NHSL1: variants seen among roughly 807,000 people sequenced by gnomAD.
NHSL1 encodes NHS like 1.
Under a neutral mutation model 95.0 loss-of-function variants are expected in NHSL1, and 48 were observed. The ratio of observed to expected loss-of-function variants is 0.51; its 90% CI spans 0.40 to 0.64. The LOEUF is 0.64. NHSL1 is among the 30% of genes least tolerant of loss of function. The pLI, the probability that NHSL1 is intolerant of heterozygous loss-of-function variation, is 0.00. For missense variants in NHSL1, 1,971 were observed against 2,077.7 expected (o/e 0.95, Z 1.00); for synonymous variants, 783 against 833.9 (o/e 0.94, Z 1.05).
chr6:138,499,156 CA>C (rs1780531900), intron 1 of NHSL1, 76 bp downstream of exon 1: 8 of 613,280 alleles, frequency 1.3e-5, no homozygotes, highest in Non-Finnish European at 2.0e-5. Context: ...CACACACACA[CA>C]CAGACACACA....
At chr6:138,622,916 C>T (rs1232830932) in intron 1 of NHSL1, among the ~76,000 whole-genome samples, 3 of 152,022 alleles carry the variant, frequency 2.0e-5, no homozygotes, top group Admixed American at 6.6e-5. Flanking sequence ...AGTAATGGAG[C>T]GCAGGGCAGA....
At chr6:138,493,721 G>A (rs183596866) in intron 2 of NHSL1, among the ~76,000 whole-genome samples, 2 of 152,300 alleles carry the variant, frequency 1.3e-5, no homozygotes, top group East Asian at 3.9e-4. Context: ...GGTGGAGGAA[G>A]GTGAACTATA....
In NHSL1 at chr6:138,659,496, C is replaced by T. The variant is rs147440084; in HGVS notation, c.96+32980G>A. Among the ~76,000 whole-genome samples, 345 of 152,196 alleles carry T rather than the reference C, an allele frequency of 2.3e-3. 1 individual carries two copies. Among genetic ancestry groups the T allele is most frequent in the African/African-American group, 7.7e-3 (320 of 41,530 alleles). On this transcript the variant is annotated intron_variant, in intron 1 of 3. Coordinates refer to the NHSL1 transcript ENST00000491526. The stretch of plus-strand genomic sequence containing the variant: ...CCAAACCAAAGAATAGCCAAGAAAA[C>T]GGTGGGCACCTCCTGCCAAGTTAGC...
chr6:138,589,563 G>A (rs1784193292), intron 1 of NHSL1, among the ~76,000 whole-genome samples: 1 of 152,122 alleles, frequency 6.6e-6, no homozygotes, highest in Non-Finnish European at 1.5e-5. Context: ...CACACAGAGG[G>A]TTCAGTAGGG....
At chr6:138,660,294 G>C (rs1785210185) in intron 1 of NHSL1, among the ~76,000 whole-genome samples, 1 of 152,082 alleles carries the variant, frequency 6.6e-6, no homozygotes, top group Admixed American at 6.5e-5. Flanking sequence ...AACATCTAAG[G>C]TGTGGGATCT....
intron 1 of NHSL1, among the ~76,000 whole-genome samples, chr6:138,579,898 G>A (rs939097979): frequency 2.0e-5 from 3 of 152,048 alleles, no homozygotes; most frequent in African/African-American, 4.8e-5. Context: ...GACTTTTAAC[G>A]TTCTATCAAT....
chr6:138,660,668 C>A (rs540902708), intron 1 of NHSL1, among the ~76,000 whole-genome samples: 2 of 151,294 alleles, frequency 1.3e-5, no homozygotes, highest in Non-Finnish European at 3.0e-5. Flanking sequence ...AAAAATACCA[C>A]CACCAGGCTG....
intron 1 of NHSL1, among the ~76,000 whole-genome samples, chr6:138,597,178 G>C (rs1452756086): frequency 2.6e-5 from 4 of 152,002 alleles, no homozygotes; most frequent in African/African-American, 9.7e-5. Context: ...AAAACAAAAA[G>C]TTAAGACCTG....
chr6:138,523,067 C>T (rs1781749872), intron 1 of NHSL1, among the ~76,000 whole-genome samples: 1 of 150,106 alleles, frequency 6.7e-6, no homozygotes, highest in African/African-American at 2.5e-5. Flanking sequence ...ATTCTGTAGT[C>T]TACCATCAAC....
chr6:138,503,035 AC>A (rs1248682742), upstream of NHSL1, among the ~76,000 whole-genome samples: 4 of 151,836 alleles, frequency 2.6e-5, no homozygotes, highest in Non-Finnish European at 5.9e-5. Context: ...ATTGCTCTAT[AC>A]CCCCTGCTTC....
chr6:138,517,041 C>G (rs1781488713), intron 1 of NHSL1, among the ~76,000 whole-genome samples: 1 of 152,244 alleles, frequency 6.6e-6, no homozygotes, highest in South Asian at 2.1e-4. Context: ...CCAAGGTGAA[C>G]TATAATGTTG....
chr6:138,487,530 G>A (rs534309607), intron 2 of NHSL1, among the ~76,000 whole-genome samples: 3 of 152,302 alleles, frequency 2.0e-5, no homozygotes, highest in Middle Eastern at 3.4e-3. Flanking sequence ...ACACATCCCA[G>A]TTTGTCAGGA....
chr6:138,647,099 G>A (rs1270361371), intron 1 of NHSL1, among the ~76,000 whole-genome samples: 4 of 152,142 alleles, frequency 2.6e-5, no homozygotes, highest in Non-Finnish European at 5.9e-5. Flanking sequence ...TCTCCTTTCT[G>A]TACTAATCTC....
chr6:138,601,180 C>G (rs188991364), intron 1 of NHSL1, among the ~76,000 whole-genome samples: 7 of 152,302 alleles, frequency 4.6e-5, no homozygotes, highest in Admixed American at 1.3e-4. Flanking sequence ...GTAAAACTCA[C>G]CAGGATTGTT....
At chr6:138,505,827 C>T (rs4475339) in intron 1 of NHSL1, among the ~76,000 whole-genome samples, 88,694 of 151,922 alleles carry the variant, frequency 0.58, 27,239 homozygotes, top group East Asian at 0.95. Flanking sequence ...GCTCTTCAAA[C>T]AGAAAATTTT....
intron 1 of NHSL1, among the ~76,000 whole-genome samples, chr6:138,542,892 T>C (rs1384424275): frequency 6.6e-6 from 1 of 152,158 alleles, no homozygotes. Flanking sequence ...GCCTCCCAAG[T>C]AGCTGGGACT....
upstream of NHSL1, among the ~76,000 whole-genome samples, chr6:138,693,209 C>A (rs1202474960): frequency 6.6e-6 from 1 of 151,236 alleles, no homozygotes; most frequent in Non-Finnish European, 1.5e-5. This position sits in a 1 kb window ranked among gnomAD's most constrained non-coding sequence, Gnocchi z 4.3. Flanking sequence ...GAAGTGCCGC[C>A]GACACCGGGC....
chr6:138,661,512 A>G (rs941785572), intron 1 of NHSL1, among the ~76,000 whole-genome samples: 1 of 151,104 alleles, frequency 6.6e-6, no homozygotes, highest in Non-Finnish European at 1.5e-5. Context: ...AAAAAAAAAG[A>G]TTAGCTGGGC....
chr6:138,549,735 G>T (rs1020000979), upstream of NHSL1, among the ~76,000 whole-genome samples: 1 of 152,100 alleles, frequency 6.6e-6, no homozygotes, highest in Non-Finnish European at 1.5e-5. Flanking sequence ...TTCAATTTAT[G>T]TTTACATAGG....
Sources: gnomAD v4.1 joint callset for allele counts (sites outside exome capture counted in the v4.1 genomes callset) on GRCh38, gnomAD v4.1.1 for gene constraint, Gnocchi (gnomAD v3.1) non-coding constraint, MANE v1.5 for transcripts, NCBI Gene and HGNC (gene_info 2026-07-23, HGNC 2026-07-21) for gene names.